The following CACNA1D variants were observed in gnomAD, a reference collection of about 807,000 sequenced individuals.
CACNA1D encodes voltage-dependent L-type calcium channel subunit alpha-1D.
A neutral mutation model predicts 257.1 loss-of-function variants in CACNA1D; 55 were observed. The ratio of observed to expected loss-of-function variants is 0.21; its 90% CI spans 0.17 to 0.27. The LOEUF (loss-of-function observed/expected upper bound fraction) is 0.27, where lower values mean the gene tolerates loss of function less well. CACNA1D is among the 10% of genes least tolerant of loss of function. The pLI is 1.00. For missense variants in CACNA1D, 1,876 were observed against 2,784.0 expected, an observed-to-expected ratio of 0.67 and a Z score of 7.34; for synonymous variants, 980 against 1,014.9, an observed-to-expected ratio of 0.97 and a Z score of 0.65.
At chr3:53,574,469 G>C (rs1187616485) in intron 3 of CACNA1D, among the ~76,000 whole-genome samples, 2 of 152,162 alleles carry the variant, frequency 1.3e-5, no homozygotes, top group Non-Finnish European at 2.9e-5. Context: ...AGATTACATA[G>C]AACACAAAAT....
At chr3:53,561,606 G>A (rs895237363) in intron 3 of CACNA1D, among the ~76,000 whole-genome samples, 2 of 152,136 alleles carry the variant, frequency 1.3e-5, no homozygotes, top group African/African-American at 4.8e-5. Flanking sequence ...TAGCTGTCAA[G>A]GAAAATAGAG....
intron 3 of CACNA1D, among the ~76,000 whole-genome samples, chr3:53,626,523 G>A (rs1028791232): frequency 6.6e-6 from 1 of 152,132 alleles, no homozygotes; most frequent in Non-Finnish European, 1.5e-5. Context: ...CCCTGGAGGA[G>A]GGAAGACTTC....
chr3:53,508,169 T>C (rs144407650), intron 3 of CACNA1D, among the ~76,000 whole-genome samples: 1 of 152,280 alleles, frequency 6.6e-6, no homozygotes, highest in African/African-American at 2.4e-5. Flanking sequence ...TTATTTTAAG[T>C]TCCGGGATAC....
At chr3:53,556,694 A>G (rs1575856471) in intron 3 of CACNA1D, among the ~76,000 whole-genome samples, 2 of 148,320 alleles carry the variant, frequency 1.3e-5, no homozygotes, top group African/African-American at 5.0e-5. Context: ...TTGTCTTTCT[A>G]TTATCTCTCT....
At chr3:53,734,303 A>C (rs1475902681) in intron 19 of CACNA1D, among the ~76,000 whole-genome samples, 1 of 151,584 alleles carries the variant, frequency 6.6e-6, no homozygotes, top group Non-Finnish European at 1.5e-5. Context: ...GAATACAGGA[A>C]TACAGATAGG....
chr3:53,624,479 C>T (rs35059073), intron 3 of CACNA1D, among the ~76,000 whole-genome samples: 6,999 of 152,302 alleles, frequency 0.046, 235 homozygotes, highest in Non-Finnish European at 0.069. Context: ...CACCTTCTCC[C>T]GTGCTGAGCC....
Position 53,517,619 on chromosome 3 carries a change from G to A in CACNA1D, c.483+15899G>A, listed in dbSNP as rs147225916. Among the ~76,000 whole-genome samples, 457 of 152,068 alleles carry A rather than the reference G, an allele frequency of 3.0e-3. 4 individuals are homozygous for A. The highest frequency in any genetic ancestry group is 0.01 in the African/African-American group (415 of 41,468). ...CTGCCTCAGCCTCCTGAGTAGCTGG[G>A]GCTACAGGCGTGCGCCACCACACCC... On this transcript the variant is annotated intron_variant, in intron 3 of 47. Transcript: ENST00000350061.
At chr3:53,717,656 A>C (rs180733545) in intron 9 of CACNA1D, among the ~76,000 whole-genome samples, 1 of 152,050 alleles carries the variant, frequency 6.6e-6, no homozygotes, top group African/African-American at 2.4e-5. Flanking sequence ...CACTCGTAAC[A>C]CTATAATTCC....
At chr3:53,606,903 G>A (rs1282085497) in intron 3 of CACNA1D, among the ~76,000 whole-genome samples, 1 of 152,088 alleles carries the variant, frequency 6.6e-6, no homozygotes, top group Non-Finnish European at 1.5e-5. Flanking sequence ...ACTATTACAA[G>A]TTATATTCAC....
chr3:53,690,596 G>C (rs942030130), intron 8 of CACNA1D, among the ~76,000 whole-genome samples: 1 of 152,158 alleles, frequency 6.6e-6, no homozygotes, highest in Non-Finnish European at 1.5e-5. Context: ...CTCCCCCTGC[G>C]GGGGGATCTT....
chr3:53,787,952 T>C (rs2095464635), intron 40 of CACNA1D, among the ~76,000 whole-genome samples: 1 of 152,210 alleles, frequency 6.6e-6, no homozygotes, highest in Non-Finnish European at 1.5e-5. Context: ...ATGCCCCTGT[T>C]CTCAGTACAT....
rs139842173 is a variant in CACNA1D, at chr3:53,594,242, C to T, written c.484-56537C>T. Among the ~76,000 whole-genome samples the T allele has an allele frequency of 4.1e-4, 62 of 152,312 alleles. No individual in the cohort carries two copies. In the East Asian group the frequency reaches 8.9e-3, roughly 22 times the overall value. On this transcript the variant is annotated intron_variant, in intron 3 of 47. Coordinates refer to ENST00000350061, the MANE Select transcript of CACNA1D (RefSeq NM_001128840.3). ...AATAATTGTATTATTTTACAGCATT[C>T]GAAGCAACCTGAGTTGGTCTCAAAG...
At chr3:53,516,428 C>CT (rs1451702553) in intron 3 of CACNA1D, among the ~76,000 whole-genome samples, 1 of 152,232 alleles carries the variant, frequency 6.6e-6, no homozygotes, top group East Asian at 1.9e-4. Context: ...CTTCCCTTCC[C>CT]TTCCCTTTCC....
chr3:53,796,240 G>A (rs1378219083), intron 40 of CACNA1D: 1 of 432,740 alleles, frequency 2.3e-6, no homozygotes, highest in Non-Finnish European at 4.7e-6. Context: ...TGTGTGCAGG[G>A]CCAGCCTAGG....
chr3:53,808,489 A>G, intron 45 of CACNA1D, 160 bp from the exon 46 acceptor site: 1 of 764,578 alleles, frequency 1.3e-6, no homozygotes, highest in Non-Finnish European at 2.3e-6. Flanking sequence ...ATCCTCTCCT[A>G]CTAAAGTTTG....
intron 3 of CACNA1D, among the ~76,000 whole-genome samples, chr3:53,608,336 G>C (rs1332058729): frequency 6.6e-6 from 1 of 152,002 alleles, no homozygotes; most frequent in Admixed American, 6.6e-5. Context: ...TATTGACTCT[G>C]TATCCCATAA....
intron 16 of CACNA1D, 134 bp downstream of exon 16, chr3:53,730,690 A>C (rs2094982249): frequency 2.7e-6 from 2 of 737,556 alleles, no homozygotes; most frequent in East Asian, 5.4e-5. Context: ...ATCATGGTTG[A>C]CCATGCACTG....
chr3:53,501,851 A>AC, intron 3 of CACNA1D, 131 bp downstream of exon 3: 2 of 672,584 alleles, frequency 3.0e-6, no homozygotes, highest in Admixed American at 4.7e-5. Context: ...GAGCTTTGCA[A>AC]CAGTGGTTTT....
chr3:53,683,394 A>T (rs2094449377), intron 8 of CACNA1D, among the ~76,000 whole-genome samples: 1 of 152,214 alleles, frequency 6.6e-6, no homozygotes, highest in Non-Finnish European at 1.5e-5. Flanking sequence ...GACCTGACTT[A>T]AAAAGCATAG....
Sources: allele counts gnomAD v4.1 joint callset (sites outside exome capture counted in the v4.1 genomes callset), GRCh38; gene constraint gnomAD v4.1.1; transcripts MANE v1.5; gene names NCBI Gene and HGNC (gene_info 2026-07-23, HGNC 2026-07-21).